The following RORA variants were observed in gnomAD, a reference collection of about 807,000 sequenced individuals.
RORA encodes nuclear receptor ROR-alpha.
Under a neutral mutation model 69.5 loss-of-function variants are expected in RORA, and 7 were observed. The observed-to-expected ratio is 0.10, with a 90% CI of 0.06 to 0.19. The LOEUF (loss-of-function observed/expected upper bound fraction) is 0.19. Ranked by LOEUF, RORA falls within the 10% of genes least tolerant of loss-of-function variation. RORA has a pLI of 1.00. For synonymous variants in RORA, 261 were observed against 240.8 expected (o/e 1.08, Z -0.78); for missense variants, 457 against 663.0 (o/e 0.69, Z 3.41).
At chr15:60,688,490 A>G (rs1024034973) in intron 1 of RORA, among the ~76,000 whole-genome samples, 1 of 152,158 alleles carries the variant, frequency 6.6e-6, no homozygotes, top group African/African-American at 2.4e-5. Context: ...GGCAATGTTG[A>G]CCTAATATTA....
chr15:60,683,762 A>G (rs1248223446), intron 1 of RORA, among the ~76,000 whole-genome samples: 1 of 152,064 alleles, frequency 6.6e-6, no homozygotes, highest in Non-Finnish European at 1.5e-5. Context: ...TGCCAATTAA[A>G]CCCCTAAAAC....
chr15:61,223,131 T>C (rs2080114498), intron 1 of RORA, among the ~76,000 whole-genome samples: 2 of 152,026 alleles, frequency 1.3e-5, no homozygotes, highest in Admixed American at 6.5e-5. Context: ...CTGGGCAACA[T>C]GGTGAAACCC....
intron 2 of RORA, among the ~76,000 whole-genome samples, chr15:60,574,426 GTTC>G (rs2067968844): frequency 6.6e-6 from 1 of 152,186 alleles, no homozygotes; most frequent in Non-Finnish European, 1.5e-5. Context: ...TTTCATGCAA[GTTC>G]TTCTTCCATC....
rs1393260331 is a variant in RORA at position 61,128,375 on chromosome 15, A to AC, written c.166+100677_166+100678insG. 3.3e-5 allele frequency among the ~76,000 whole-genome samples: 5 copies of AC among 152,238 alleles called. No individual in the cohort carries two copies. The highest frequency in any genetic ancestry group is 1.2e-4 in the African/African-American group (5 of 41,466). On this transcript the variant is annotated intron_variant, in intron 1 of 10. Transcript: ENST00000335670. This position sits in a 1 kb window ranked among gnomAD's most constrained non-coding sequence, Gnocchi z 4.5. ...CTAAACAGTATATAAACTTAAAATC[A>AC]GTCACATGAAATGTGCAGGATCTCA...
rs1892886359 is a variant in RORA at position 60,946,641 on chromosome 15, G to A, written c.167-267955C>T. 1.3e-5 allele frequency among the ~76,000 whole-genome samples: 2 copies of A among 152,200 alleles called. 1 individual carries two copies. Among genetic ancestry groups the A allele is most frequent in the South Asian group, 4.1e-4 (2 of 4,824 alleles). On this transcript the variant is annotated intron_variant, in intron 1 of 10. Transcript: ENST00000335670. ...TACAACCTCCACCTCCCAGCCGCCTGCCTTGGCTTCCCAAAGTGCCCAGAT... is the reference window on the plus strand; with the variant it reads ...TACAACCTCCACCTCCCAGCCGCCTACCTTGGCTTCCCAAAGTGCCCAGAT...
In RORA at chr15:60,541,486, C is replaced by T. The variant is rs187373225; in HGVS notation, c.197-9635G>A. ...CATTCTTAATTACAACATATAAGCT[C>T]AACCTGAGAATGGATAGCAATATTT... On this transcript the variant is annotated intron_variant, in intron 2 of 10. Coordinates refer to ENST00000335670, the MANE Select transcript of RORA (RefSeq NM_134261.3). Among the ~76,000 whole-genome samples the T allele has an allele frequency of 3.6e-3, 552 of 152,290 alleles. 1 individual carries two copies. Among genetic ancestry groups the T allele is most frequent in the African/African-American group, 0.013 (530 of 41,556 alleles).
At position 60,511,957 on chromosome 15, in the gene RORA, T is replaced by C. The variant is rs186394573; in HGVS notation, c.425-336A>G. 461 of 243,926 alleles carry C rather than the reference T, an allele frequency of 1.9e-3. 6 individuals are homozygous for C. The highest frequency in any genetic ancestry group is 0.01 in the African/African-American group (445 of 43,846). The allele number at this position is 243,926 out of a possible 1,614,324, so 15.1% of individuals were successfully genotyped here. ...GATAACTTAATGGGCTTGTTCACTC[T>C]CCCCCCGTGCAGCTGGCTTAGGCTA... is the stretch of plus-strand genomic sequence containing the variant. On this transcript the variant is annotated intron_variant, in intron 4 of 10. Transcript: ENST00000335670. This position sits in a 1 kb window ranked among gnomAD's most constrained non-coding sequence, Gnocchi z 6.4.
intron 2 of RORA, among the ~76,000 whole-genome samples, chr15:60,605,696 G>T (rs1003653756): frequency 1.3e-5 from 2 of 152,174 alleles, no homozygotes; most frequent in African/African-American, 4.8e-5. Flanking sequence ...AGGTAAGTTT[G>T]TATATTTGAT....
intron 1 of RORA, among the ~76,000 whole-genome samples, chr15:60,701,641 A>C (rs564256890): frequency 3.9e-5 from 6 of 152,350 alleles, no homozygotes; most frequent in African/African-American, 1.4e-4. Flanking sequence ...CTCCACCCGC[A>C]GCACAGGCTC....
At chr15:60,797,753 T>C (rs867252891) in intron 1 of RORA, among the ~76,000 whole-genome samples, 39 of 152,106 alleles carry the variant, frequency 2.6e-4, no homozygotes, top group Admixed American at 7.2e-4. Context: ...GAAGCAGCAG[T>C]GGAGCCCTAG....
chr15:61,079,605 A>G (rs2078507795), intron 1 of RORA, among the ~76,000 whole-genome samples: 1 of 152,216 alleles, frequency 6.6e-6, no homozygotes, highest in Non-Finnish European at 1.5e-5. Context: ...CTCCATTGGC[A>G]TTGTTGAATT....
intron 1 of RORA, among the ~76,000 whole-genome samples, chr15:60,748,139 AT>A (rs2071674231): frequency 6.6e-6 from 1 of 152,206 alleles, no homozygotes; most frequent in Non-Finnish European, 1.5e-5. Flanking sequence ...ATAAAATAAG[AT>A]GAAAAGATTT....
intron 1 of RORA, among the ~76,000 whole-genome samples, chr15:60,791,171 T>C (rs1489272076): frequency 6.6e-6 from 1 of 152,180 alleles, no homozygotes; most frequent in Non-Finnish European, 1.5e-5. Context: ...CAGGCCTGAT[T>C]CAGTTACTAC....
At chr15:60,810,118 A>G (rs1242147405) in intron 1 of RORA, among the ~76,000 whole-genome samples, 1 of 151,996 alleles carries the variant, frequency 6.6e-6, no homozygotes, top group Non-Finnish European at 1.5e-5. Flanking sequence ...CTCAAGTTTG[A>G]TGGTGCATCT....
At chr15:60,699,214 C>A (rs1440530850) in intron 1 of RORA, among the ~76,000 whole-genome samples, 1 of 151,946 alleles carries the variant, frequency 6.6e-6, no homozygotes, top group Non-Finnish European at 1.5e-5. Flanking sequence ...ATGGTTTCTG[C>A]CTTTCCTTGC....
At chr15:60,930,347 C>T (rs1416796120) in intron 1 of RORA, among the ~76,000 whole-genome samples, 1 of 152,150 alleles carries the variant, frequency 6.6e-6, no homozygotes, top group Admixed American at 6.5e-5. Flanking sequence ...CTCCCACCTC[C>T]ATTCTCAAGG....
intron 2 of RORA, among the ~76,000 whole-genome samples, chr15:60,546,095 C>T (rs1158658416): frequency 6.6e-6 from 1 of 152,206 alleles, no homozygotes; most frequent in African/African-American, 2.4e-5. Context: ...CTTCTTCTAA[C>T]CTGACAAATA....
At chr15:61,137,460 T>A (rs1412961937) in intron 1 of RORA, among the ~76,000 whole-genome samples, 1 of 152,246 alleles carries the variant, frequency 6.6e-6, no homozygotes, top group Non-Finnish European at 1.5e-5. Flanking sequence ...AAAATTAGTA[T>A]AATGCACACA....
chr15:60,937,808 T>C (rs542718862), intron 1 of RORA, among the ~76,000 whole-genome samples: 3 of 152,206 alleles, frequency 2.0e-5, no homozygotes, highest in Non-Finnish European at 2.9e-5. Context: ...TGCTGATATT[T>C]GTGATAATGT....
Sources: allele counts gnomAD v4.1 joint callset (sites outside exome capture counted in the v4.1 genomes callset), GRCh38; gene constraint gnomAD v4.1.1; non-coding constraint Gnocchi (gnomAD v3.1); transcripts MANE v1.5; gene names NCBI Gene and HGNC (gene_info 2026-07-23, HGNC 2026-07-21).